Variants in MVB12B observed in about 807,000 individuals in gnomAD.
MVB12B encodes the protein ESCRT-I complex subunit MVB12B.
A neutral mutation model predicts 41.6 loss-of-function variants in MVB12B; 16 were observed. The observed-to-expected ratio is 0.38, with a 90% CI of 0.26 to 0.58. The LOEUF (loss-of-function observed/expected upper bound fraction) is 0.58, where lower values mean the gene tolerates loss of function less well. Among genes scored for constraint, MVB12B ranks in the 20% least tolerant of loss-of-function variants. MVB12B has a pLI of 0.62. For synonymous variants in MVB12B, 133 were observed against 139.7 expected, an observed-to-expected ratio of 0.95 and a Z score of 0.34; for missense variants, 274 against 380.2, an observed-to-expected ratio of 0.72 and a Z score of 2.32.
chr9:126,361,419 G>T (rs1432382480), intron 2 of MVB12B, among the ~76,000 whole-genome samples: 2 of 152,002 alleles, frequency 1.3e-5, no homozygotes, highest in Non-Finnish European at 2.9e-5. Flanking sequence ...ACAATACATT[G>T]TTATCATTTT....
intron 1 of MVB12B, among the ~76,000 whole-genome samples, chr9:126,329,623 C>T (rs1326510122): frequency 2.0e-5 from 3 of 152,170 alleles, no homozygotes; most frequent in Non-Finnish European, 4.4e-5. Flanking sequence ...GGCATAGGCC[C>T]CTCTGTCTGA....
intron 7 of MVB12B, among the ~76,000 whole-genome samples, chr9:126,431,407 A>G (rs1588167399): frequency 6.6e-6 from 1 of 152,320 alleles, no homozygotes; most frequent in African/African-American, 2.4e-5. Context: ...AAATCTTTCA[A>G]TGTACCTTTG....
intron 6 of MVB12B, among the ~76,000 whole-genome samples, chr9:126,405,264 G>A (rs1831386878): frequency 1.3e-5 from 2 of 151,974 alleles, no homozygotes; most frequent in Admixed American, 1.3e-4. Flanking sequence ...TTATCGTCCC[G>A]AGAAGCAGGG....
At chr9:126,424,309 G>A (rs1832108823) in intron 7 of MVB12B, among the ~76,000 whole-genome samples, 2 of 152,170 alleles carry the variant, frequency 1.3e-5, no homozygotes, top group South Asian at 4.1e-4. Flanking sequence ...CTCCCATCAT[G>A]CCTGCTAAGG....
In MVB12B at chr9:126,486,512, C is replaced by T. The variant is rs1833622346; in HGVS notation, c.873+2480C>T. 6.6e-6 allele frequency among the ~76,000 whole-genome samples: 1 copy of T among 152,234 alleles called. No homozygotes were observed. Among genetic ancestry groups the T allele is most frequent in the Non-Finnish European group, 1.5e-5 (1 of 68,048 alleles). On this transcript the variant is annotated intron_variant, in intron 9 of 9. Coordinates refer to ENST00000361171, the MANE Select transcript of MVB12B (RefSeq NM_033446.3). This position sits in a 1 kb window ranked among gnomAD's most constrained non-coding sequence, Gnocchi z 4.7. ...CATGGGGTCACGGCAGAACCTGTCT[C>T]ACGGGGTGCTTTGTGATGCCAAATG...
At chr9:126,465,753 G>A (rs984042760) in intron 7 of MVB12B, among the ~76,000 whole-genome samples, 7 of 152,238 alleles carry the variant, frequency 4.6e-5, no homozygotes, top group Non-Finnish European at 8.8e-5. Context: ...ACATCATTGG[G>A]ATGGTAATGA....
Position 126,443,191 on chromosome 9 carries a change from C to T in MVB12B, c.757+21243C>T, listed in dbSNP as rs1240754418. On this transcript the variant is annotated intron_variant, in intron 7 of 9. Coordinates refer to ENST00000361171, the MANE Select transcript of MVB12B (RefSeq NM_033446.3). Reference sequence around the variant, plus strand: ...GCACTACTTTCTGGGGTTTAAGCCCCATTTTGACCATTTCCAAACATGGGA... The same window carrying T: ...GCACTACTTTCTGGGGTTTAAGCCCTATTTTGACCATTTCCAAACATGGGA... 3.9e-5 allele frequency among the ~76,000 whole-genome samples: 6 copies of T among 152,270 alleles called. No homozygotes were observed. In the South Asian group the frequency reaches 8.3e-4, roughly 21 times the overall value.
intron 6 of MVB12B, among the ~76,000 whole-genome samples, chr9:126,414,288 G>A (rs374846681): frequency 1.6e-4 from 24 of 152,172 alleles, no homozygotes; most frequent in Non-Finnish European, 3.2e-4. Context: ...AGCTGGAGCC[G>A]TCATCGCTGG....
In MVB12B at chr9:126,371,531, C is replaced by T. The variant is rs1020908349; in HGVS notation, c.205-9533C>T. On this transcript the variant is annotated intron_variant, in intron 2 of 9. Transcript: ENST00000361171. ...TGCTTTCTGCCTCCCTGCCCAACCT[C>T]AGGAAGCCATCCCCTCTGTGCCTGG... Among the ~76,000 whole-genome samples the T allele has an allele frequency of 2.0e-5, 3 of 152,210 alleles. No homozygotes were observed. The South Asian group carries it at 6.2e-4, about 32-fold the overall frequency.
chr9:126,451,201 G>A (rs1832881558), intron 7 of MVB12B, among the ~76,000 whole-genome samples: 1 of 152,194 alleles, frequency 6.6e-6, no homozygotes, highest in African/African-American at 2.4e-5. Context: ...TTCACCATCT[G>A]GGCCTCAGCG....
intron 2 of MVB12B, among the ~76,000 whole-genome samples, chr9:126,379,005 A>C (rs115731009): frequency 6.6e-6 from 1 of 152,184 alleles, no homozygotes; most frequent in African/African-American, 2.4e-5. Context: ...ATATCCAAAC[A>C]AGCCCTTCTA....
chr9:126,340,591 G>A lies in MVB12B; in HGVS notation c.165G>A (p.Val55=). ...TSMDPITGVG[V]VASRNRAPTG... ...TGGATCCCATCACGGGAGTCGGGGTGGTGGCTTCTCGGAACCGAGCCCCGA... is the reference window on the plus strand; with the variant it reads ...TGGATCCCATCACGGGAGTCGGGGTAGTGGCTTCTCGGAACCGAGCCCCGA... Residue 55 remains valine, a synonymous_variant, in exon 2 of 10, where the codon GTG becomes GTA. Coordinates refer to ENST00000361171, the MANE Select transcript of MVB12B (RefSeq NM_033446.3). The surrounding 1 kb of genome is among the most constrained non-coding windows in gnomAD (Gnocchi z 4.0). 6.2e-7 allele frequency: 1 copy of A among 1,614,188 alleles called. No individual in the cohort carries two copies. The highest frequency in any genetic ancestry group is 8.5e-7 in the Non-Finnish European group (1 of 1,180,014).
chr9:126,500,741 G>A (rs1438767595), intron 9 of MVB12B, among the ~76,000 whole-genome samples: 1 of 152,222 alleles, frequency 6.6e-6, no homozygotes, highest in Non-Finnish European at 1.5e-5. Context: ...AGGCATGTGT[G>A]CCCGTGGCAC....
At chr9:126,397,672 C>T (rs1831155108) in intron 6 of MVB12B, 1 of 982,722 alleles carries the variant, frequency 1.0e-6, no homozygotes, top group South Asian at 4.7e-5. Context: ...GTAGGATGCA[C>T]ACCTATGTAA....
chr9:126,450,107 A>G (rs2119158475), intron 7 of MVB12B, among the ~76,000 whole-genome samples: 1 of 152,344 alleles, frequency 6.6e-6, no homozygotes, highest in African/African-American at 2.4e-5. Context: ...CTCTGCAGTC[A>G]AGTTCATGTC....
intron 1 of MVB12B, among the ~76,000 whole-genome samples, chr9:126,336,997 A>G (rs1487851093): frequency 6.6e-6 from 1 of 152,164 alleles, no homozygotes; most frequent in Non-Finnish European, 1.5e-5. Context: ...TACCACCTTT[A>G]TTCCTTACCC....
intron 7 of MVB12B, among the ~76,000 whole-genome samples, chr9:126,460,179 C>A (rs1373681267): frequency 1.3e-5 from 2 of 152,086 alleles, no homozygotes; most frequent in Non-Finnish European, 2.9e-5. Flanking sequence ...TCTGCTCAGA[C>A]CTCCTCGGCA....
chr9:126,381,676 TA>T (rs759409275), intron 3 of MVB12B, among the ~76,000 whole-genome samples: 103 of 146,764 alleles, frequency 7.0e-4, no homozygotes, highest in East Asian at 3.5e-3. Flanking sequence ...TCTATGCTTT[TA>T]AAAAAAAAAA....
intron 9 of MVB12B, among the ~76,000 whole-genome samples, chr9:126,489,123 G>A (rs536621459): frequency 2.2e-4 from 33 of 152,206 alleles, no homozygotes; most frequent in Non-Finnish European, 4.7e-4. Context: ...TCCTGGGCCC[G>A]GACAGCCAGG....
Sources: gnomAD v4.1 joint callset for allele counts (sites outside exome capture counted in the v4.1 genomes callset) on GRCh38, gnomAD v4.1.1 for gene constraint, Gnocchi (gnomAD v3.1) non-coding constraint, MANE v1.5 for transcripts, NCBI Gene and HGNC (gene_info 2026-07-23, HGNC 2026-07-21) for gene names.